The following LPCAT1 variants were observed in gnomAD, a reference collection of about 807,000 sequenced individuals.
LPCAT1 encodes lysophosphatidylcholine acyltransferase 1.
LPCAT1 carries 23 observed loss-of-function variants against 60.9 expected under a neutral mutation model. The ratio of observed to expected loss-of-function variants is 0.38; its 90% CI spans 0.27 to 0.53. The LOEUF is 0.53. Among genes scored for constraint, LPCAT1 ranks in the 20% least tolerant of loss-of-function variants. The pLI is 0.82. For synonymous variants in LPCAT1, 340 were observed against 301.1 expected (o/e 1.13, Z -1.34); for missense variants, 622 against 723.6 (o/e 0.86, Z 1.61).
In LPCAT1 at chr5:1,521,464, A is replaced by G. The variant is rs958662466; in HGVS notation, c.135+2246T>C. 1.0e-6 allele frequency: 1 copy of G among 985,272 alleles called. No individual in the cohort carries two copies. The highest frequency in any genetic ancestry group is 1.7e-5 in the African/African-American group (1 of 57,236). The allele number at this position is 985,272 out of a possible 1,614,324, so 61.0% of individuals were successfully genotyped here. A position where few individuals can be genotyped will look rare whatever the true frequency, so the allele number is the denominator to read the frequency against. ...GCTTTCTTGGCTTGAAAGACAGGCT[A>G]TTTCACTCTGTGGAAACTTTACAAG... On this transcript the variant is annotated intron_variant, in intron 1 of 13. Transcript: ENST00000283415. This position sits in a 1 kb window ranked among gnomAD's most constrained non-coding sequence, Gnocchi z 4.3.
At position 1,477,410 on chromosome 5, in the gene LPCAT1, A is replaced by G. The variant is rs777545665; in HGVS notation, c.893T>C (p.Met298Thr). 1 of 1,613,898 alleles carries G rather than the reference A, an allele frequency of 6.2e-7. No individual in the cohort carries two copies. Among genetic ancestry groups the G allele is most frequent in the South Asian group, 1.1e-5 (1 of 91,072 alleles). ...ALYASNVRRVMAEALGVSVTD... is the reference protein window; with the variant it reads ...ALYASNVRRVTAEALGVSVTD... Reference sequence around the variant, plus strand: ...GAAGGAGCTGCTCACTTACTCGGCCATGACTCGCCGCACGTTGCTGGCATA... The same window carrying G: ...GAAGGAGCTGCTCACTTACTCGGCCGTGACTCGCCGCACGTTGCTGGCATA... Residue 298 changes from methionine (M) to threonine (T), a missense_variant, in exon 9 of 14, where the codon ATG (methionine) becomes ACG (threonine). Physicochemically the swap from Met to Thr is moderately conservative, Grantham distance 81. Around this residue, in one of 3 missense-constraint regions of LPCAT1, gnomAD observed 209 missense variants for 325.5 expected, o/e 0.64. Coordinates refer to ENST00000283415, the MANE Select transcript of LPCAT1 (RefSeq NM_024830.5). The surrounding 1 kb of genome is among the most constrained non-coding windows in gnomAD (Gnocchi z 6.0).
chr5:1,487,887 C>A lies in LPCAT1; in HGVS notation c.667+504G>T, dbSNP rs1212482804. Among the ~76,000 whole-genome samples the A allele has an allele frequency of 6.6e-6, 1 of 152,162 alleles. No individual in the cohort carries two copies. Among genetic ancestry groups the A allele is most frequent in the Non-Finnish European group, 1.5e-5 (1 of 68,020 alleles). On this transcript the variant is annotated intron_variant, in intron 5 of 13. Transcript: ENST00000283415. This position sits in a 1 kb window ranked among gnomAD's most constrained non-coding sequence, Gnocchi z 6.1. ...TCAGGGGTGCAGACACAATACTAGA[C>A]CCAGGTAACCGCCGCGGGAGAGACC...
rs556897962 is a variant in LPCAT1 at position 1,476,276 on chromosome 5, C to A, written c.899+1128G>T. Among the ~76,000 whole-genome samples, 1 of 152,282 alleles carries A rather than the reference C, an allele frequency of 6.6e-6. No individual in the cohort carries two copies. Among genetic ancestry groups the A allele is most frequent in the East Asian group, 1.9e-4 (1 of 5,178 alleles). On this transcript the variant is annotated intron_variant, in intron 9 of 13. Transcript: ENST00000283415. The surrounding 1 kb of genome is among the most constrained non-coding windows in gnomAD (Gnocchi z 8.6). ...ATGCATTCCCCTGGCTCGGCGCCTA[C>A]TCAGCTTTTTGTATTGTTCAGAGCT...
chr5:1,471,046 C>T, intron 11 of LPCAT1, 122 bp from the exon 12 acceptor site: 1 of 728,120 alleles, frequency 1.4e-6, no homozygotes, highest in Admixed American at 2.7e-5. Flanking sequence ...GGAACATCTG[C>T]CCATGTGAAA....
In LPCAT1 at chr5:1,488,525, C is replaced by A. The variant is rs947550817; in HGVS notation, c.607-74G>T. The A allele has an allele frequency of 3.2e-5, 32 of 1,002,658 alleles. No homozygotes were observed. In the African/African-American group the frequency reaches 4.4e-4, roughly 14 times the overall value. The allele number at this position is 1,002,658 out of a possible 1,614,324, so 62.1% of individuals were successfully genotyped here. A position where few individuals can be genotyped will look rare whatever the true frequency, so the allele number is the denominator to read the frequency against. ...TAATTCAGAACTTACAGAAGCCAAT[C>A]TTCACAATATATTTTCTTTTCTGCT... On this transcript the variant is annotated intron_variant, in intron 4 of 13. Coordinates refer to ENST00000283415, the MANE Select transcript of LPCAT1 (RefSeq NM_024830.5).
At chr5:1,474,326 G>A (rs1256719207) in intron 10 of LPCAT1, among the ~76,000 whole-genome samples, 3 of 152,218 alleles carry the variant, frequency 2.0e-5, no homozygotes, top group African/African-American at 4.8e-5. Flanking sequence ...TCCCTTCCCA[G>A]GGCAGATGTG....
At chr5:1,500,001 T>A (rs7706238) in intron 2 of LPCAT1, among the ~76,000 whole-genome samples, 63,466 of 152,242 alleles carry the variant, frequency 0.42, 15,919 homozygotes, top group African/African-American at 0.71. Context: ...CAGTGAATGC[T>A]TTAGGCTCTA....
rs1292523166 is a variant in LPCAT1 at position 1,522,425 on chromosome 5, C to A, written c.135+1285G>T. Among the ~76,000 whole-genome samples, 4 of 152,244 alleles carry A rather than the reference C, an allele frequency of 2.6e-5. No homozygotes were observed. In the East Asian group the frequency reaches 7.7e-4, roughly 29 times the overall value. The stretch of plus-strand genomic sequence containing the variant: ...GCAGAGGGGCCGGCACCGCCCCAGC[C>A]CCAGAGTCCAGCTCCCGACACACAG... On this transcript the variant is annotated intron_variant, in intron 1 of 13. Coordinates refer to ENST00000283415, the MANE Select transcript of LPCAT1 (RefSeq NM_024830.5). The surrounding 1 kb of genome is among the most constrained non-coding windows in gnomAD (Gnocchi z 6.8).
At chr5:1,467,211 G>C in intron 12 of LPCAT1, 1 of 310,936 alleles carries the variant, frequency 3.2e-6, no homozygotes, top group East Asian at 5.2e-5. Context: ...CCGCGGAAGG[G>C]TCCTGCCTGG....
At chr5:1,492,508 T>C (rs1228521287) in intron 3 of LPCAT1, among the ~76,000 whole-genome samples, 2 of 151,940 alleles carry the variant, frequency 1.3e-5, no homozygotes, top group South Asian at 2.1e-4. Context: ...ATGTGGTTCC[T>C]GCTAAGTCTG....
At chr5:1,463,870 G>A in intron 13 of LPCAT1, 35 bp from the exon 14 acceptor site, 1 of 1,605,756 alleles carries the variant, frequency 6.2e-7, no homozygotes, top group East Asian at 2.2e-5. Flanking sequence ...TTATGGAATG[G>A]GGACGAGCAA....
Position 1,523,900 on chromosome 5 carries a change from C to T in LPCAT1, c.-56G>A. On this transcript the variant is annotated 5_prime_UTR_variant, in exon 1 of 14. Transcript: ENST00000283415. The surrounding 1 kb of genome is among the most constrained non-coding windows in gnomAD (Gnocchi z 7.1). ...AGCTGCCTGGGGCGCCGAGCGGGGC[C>T]GGGGCTAGCTGGGCGCGGGTCTCGG... 9.9e-7 allele frequency: 1 copy of T among 1,012,956 alleles called. No individual in the cohort carries two copies. The highest frequency in any genetic ancestry group is 1.2e-6 in the Non-Finnish European group (1 of 848,984). 62.7% of individuals were successfully genotyped at this position (1,012,956 alleles called of 1,614,324 possible).
At chr5:1,470,633 C>T (rs1734629174) in intron 12 of LPCAT1, among the ~76,000 whole-genome samples, 193 bp downstream of exon 12, 1 of 152,192 alleles carries the variant, frequency 6.6e-6, no homozygotes, top group African/African-American at 2.4e-5. Flanking sequence ...ATTGCTAATC[C>T]AGGAAGAAAT....
chr5:1,465,967 C>G (rs71595047), intron 13 of LPCAT1, among the ~76,000 whole-genome samples: 1 of 152,252 alleles, frequency 6.6e-6, no homozygotes, highest in Non-Finnish European at 1.5e-5. Context: ...GTGCGCACAT[C>G]CGCACTCCCG....
intron 13 of LPCAT1, among the ~76,000 whole-genome samples, chr5:1,466,366 G>A (rs1178301307): frequency 2.0e-5 from 3 of 152,106 alleles, no homozygotes; most frequent in Non-Finnish European, 2.9e-5. Flanking sequence ...ACCCCTCCCA[G>A]GAGAGGGGGG....
chr5:1,483,505 C>T lies in LPCAT1; in HGVS notation c.668-19G>A, dbSNP rs781417100. 5.8e-5 allele frequency: 94 copies of T among 1,612,966 alleles called. No individual in the cohort carries two copies. The highest frequency in any genetic ancestry group is 1.1e-4 in the East Asian group (5 of 44,872). On this transcript the variant is annotated intron_variant, in intron 5 of 13. Coordinates refer to ENST00000283415, the MANE Select transcript of LPCAT1 (RefSeq NM_024830.5). This position sits in a 1 kb window ranked among gnomAD's most constrained non-coding sequence, Gnocchi z 9.2. ...AATGCACCTGCCGAGAAAGGAACAG[C>T]GGTGTTGCCCATGGCAGCCCACGCA...
Position 1,503,514 on chromosome 5 carries a change from C to T in LPCAT1, c.136-1911G>A, listed in dbSNP as rs548968701. ...TCTCTCTAATACTGAAAGCTAGCTT[C>T]AGCGCTGTGCAGCTCCCTGTTAGGA... On this transcript the variant is annotated intron_variant, in intron 1 of 13. Transcript: ENST00000283415. 5.9e-5 allele frequency among the ~76,000 whole-genome samples: 9 copies of T among 152,354 alleles called. No homozygotes were observed. In the East Asian group the frequency reaches 1.7e-3, roughly 29 times the overall value.
intron 11 of LPCAT1, among the ~76,000 whole-genome samples, chr5:1,473,636 A>T (rs903585963): frequency 6.6e-6 from 1 of 152,200 alleles, no homozygotes; most frequent in Non-Finnish European, 1.5e-5. Flanking sequence ...TCTGGTGAGC[A>T]GGGGACCCTG....
chr5:1,484,368 T>G (rs1035836955), intron 5 of LPCAT1, among the ~76,000 whole-genome samples: 6 of 152,240 alleles, frequency 3.9e-5, no homozygotes, highest in African/African-American at 1.4e-4. Flanking sequence ...TATTTTAAAT[T>G]CTATTTAAAT....
Sources: gnomAD v4.1 joint callset for allele counts (sites outside exome capture counted in the v4.1 genomes callset) on GRCh38, gnomAD v4.1.1 for gene constraint, gnomAD v4.1.1 regional missense constraint, Gnocchi (gnomAD v3.1) non-coding constraint, MANE v1.5 for transcripts, NCBI Gene and HGNC (gene_info 2026-07-23, HGNC 2026-07-21) for gene names.